Variants in TCF12 observed in about 807,000 individuals in gnomAD.
TCF12 encodes the protein transcription factor 12.
A neutral mutation model predicts 86.0 loss-of-function variants in TCF12; 45 were observed. The observed-to-expected ratio is 0.52, with a 90% CI of 0.41 to 0.67. The LOEUF is 0.67. Among genes scored for constraint, TCF12 ranks in the 30% least tolerant of loss-of-function variants. The pLI is 0.00. For synonymous variants in TCF12, 330 were observed against 299.6 expected (o/e 1.10, Z -1.05); for missense variants, 881 against 859.9 (o/e 1.02, Z -0.31).
At chr15:56,969,901 A>G (rs1030714689) in intron 3 of TCF12, among the ~76,000 whole-genome samples, 2 of 152,202 alleles carry the variant, frequency 1.3e-5, no homozygotes, top group Admixed American at 6.5e-5. Context: ...TGGGGTGATG[A>G]GCAAAAGACA....
intron 3 of TCF12, among the ~76,000 whole-genome samples, chr15:56,944,137 G>A (rs2060895706): frequency 6.6e-6 from 1 of 152,154 alleles, no homozygotes; most frequent in African/African-American, 2.4e-5. Context: ...GTTCAAAACA[G>A]AAGTTTTCAT....
intron 3 of TCF12, among the ~76,000 whole-genome samples, chr15:57,016,711 G>C (rs546918627): frequency 6.6e-6 from 1 of 152,036 alleles, no homozygotes; most frequent in East Asian, 1.9e-4. Flanking sequence ...GCATTTCCAT[G>C]TTTTACAAGC....
At chr15:56,969,488 C>G (rs1652735) in intron 3 of TCF12, among the ~76,000 whole-genome samples, 142,686 of 151,040 alleles carry the variant, frequency 0.94, 67,682 homozygotes, top group Non-Finnish European at 0.99. Context: ...ACATATGATT[C>G]GGAAACCACG....
chr15:57,068,794 A>G (rs1292297423), intron 4 of TCF12, among the ~76,000 whole-genome samples: 1 of 152,166 alleles, frequency 6.6e-6, no homozygotes, highest in Non-Finnish European at 1.5e-5. Context: ...GACCATGGGA[A>G]AGTTACTTCT....
At chr15:57,044,989 C>G (rs1201072563) in intron 3 of TCF12, among the ~76,000 whole-genome samples, 2 of 152,130 alleles carry the variant, frequency 1.3e-5, no homozygotes, top group African/African-American at 2.4e-5. Context: ...TAGATTTTCA[C>G]TAAATGCTTA....
In TCF12 at chr15:57,266,180, G is replaced by A. The variant is rs145613871; in HGVS notation, c.1745+2906G>A. ...GCTGGAATGCCATGGGGTGATCTTG[G>A]CTCACTGCAGCCTCAGCCTCCCAAG... On this transcript the variant is annotated intron_variant, in intron 18 of 20. Transcript: ENST00000333725. 2.5e-3 allele frequency among the ~76,000 whole-genome samples: 386 copies of A among 151,918 alleles called. 2 individuals carry two copies. The highest frequency in any genetic ancestry group is 8.9e-3 in the African/African-American group (367 of 41,434).
At chr15:57,076,513 C>T (rs1337026725) in intron 4 of TCF12, among the ~76,000 whole-genome samples, 2 of 151,634 alleles carry the variant, frequency 1.3e-5, no homozygotes, top group South Asian at 2.1e-4. Flanking sequence ...ATTTGCTGGG[C>T]GTGGTGGCAG....
At chr15:57,253,923 A>T (rs994301402) in intron 16 of TCF12, among the ~76,000 whole-genome samples, 1 of 152,212 alleles carries the variant, frequency 6.6e-6, no homozygotes, top group Admixed American at 6.5e-5. Context: ...AATGGCTGTA[A>T]TTTCAGTAAT....
At chr15:57,264,195 C>CTTTTTTTTTTTTTCTATTTTTTTTTT in intron 18 of TCF12, among the ~76,000 whole-genome samples, 1 of 50,698 alleles carries the variant, frequency 2.0e-5, no homozygotes, top group Non-Finnish European at 3.0e-5. Context: ...CTTTTGTAAG[C>CTTTTTTTTTTTTTCTATTTTTTTTTT]TTTTTTTTTT....
intron 4 of TCF12, among the ~76,000 whole-genome samples, chr15:57,072,409 G>T (rs1249167494): frequency 3.3e-5 from 5 of 152,174 alleles, no homozygotes; most frequent in Non-Finnish European, 5.9e-5. Flanking sequence ...ATCGAGTTGT[G>T]TGAATAAAGA....
chr15:56,946,796 AC>A (rs199654799), intron 3 of TCF12, among the ~76,000 whole-genome samples: 1 of 117,292 alleles, frequency 8.5e-6, no homozygotes, highest in East Asian at 2.6e-4. Flanking sequence ...AGTCTAAAGT[AC>A]CTTTTTTTTT....
chr15:57,047,306 C>CTTGA (rs1394124147), intron 3 of TCF12, among the ~76,000 whole-genome samples: 1 of 152,048 alleles, frequency 6.6e-6, no homozygotes, highest in Non-Finnish European at 1.5e-5. Flanking sequence ...AGATTTTAGC[C>CTTGA]CTTCACTTGT....
At chr15:56,987,337 A>G (rs2063242909) in intron 3 of TCF12, among the ~76,000 whole-genome samples, 1 of 152,106 alleles carries the variant, frequency 6.6e-6, no homozygotes. Flanking sequence ...CTGGTTTCGA[A>G]CTTCTGACCT....
intron 3 of TCF12, among the ~76,000 whole-genome samples, chr15:57,056,649 G>C (rs1791522671): frequency 6.6e-6 from 1 of 151,932 alleles, no homozygotes; most frequent in Admixed American, 6.6e-5. Flanking sequence ...TGTAGACATA[G>C]AGTTTTGCCA....
chr15:56,980,953 A>T (rs1408349698), intron 3 of TCF12, among the ~76,000 whole-genome samples: 2 of 152,174 alleles, frequency 1.3e-5, no homozygotes, highest in African/African-American at 4.8e-5. Flanking sequence ...CTAGAGGTTG[A>T]TATTTGACAT....
At chr15:57,250,063 T>G (rs192412996) in intron 13 of TCF12, among the ~76,000 whole-genome samples, 1 of 152,284 alleles carries the variant, frequency 6.6e-6, no homozygotes, top group Admixed American at 6.5e-5. Flanking sequence ...TAAATTAGAT[T>G]TATACCTTTC....
intron 3 of TCF12, among the ~76,000 whole-genome samples, chr15:56,997,746 A>T (rs556046957): frequency 6.6e-6 from 1 of 152,384 alleles, no homozygotes; most frequent in Non-Finnish European, 1.5e-5. Context: ...TTGAATTTTT[A>T]AATGCTGTAA....
rs1271045038 is a variant in TCF12, at chr15:57,248,900, GC to G, written c.1115-2448del. On this transcript the variant is annotated intron_variant, in intron 13 of 20. Transcript: ENST00000333725. ...AAGCTAATGAACAATCTCAAAAACA[GC>G]CTGTTTTGCAAAAGCAGATGCATGC... 3.9e-5 allele frequency among the ~76,000 whole-genome samples: 6 copies of G among 152,138 alleles called. No individual in the cohort carries two copies. In the South Asian group the frequency reaches 1.2e-3, roughly 32 times the overall value.
At chr15:57,095,821 C>T (rs976576138) in intron 5 of TCF12, among the ~76,000 whole-genome samples, 3 of 152,044 alleles carry the variant, frequency 2.0e-5, no homozygotes, top group Non-Finnish European at 4.4e-5. Flanking sequence ...TTGTACAGCT[C>T]TAGAATTTTA....
Sources: gnomAD v4.1 joint callset for allele counts (sites outside exome capture counted in the v4.1 genomes callset) on GRCh38, gnomAD v4.1.1 for gene constraint, MANE v1.5 for transcripts, NCBI Gene and HGNC (gene_info 2026-07-23, HGNC 2026-07-21) for gene names.